LRRTM2: variants seen among roughly 807,000 people sequenced by gnomAD.
The protein encoded by LRRTM2 is leucine-rich repeat transmembrane neuronal protein 2.
In LRRTM2, 14 loss-of-function variants were observed where a neutral mutation model predicts 40.7. The observed-to-expected ratio is 0.34, with a 90% CI of 0.23 to 0.54. The LOEUF (loss-of-function observed/expected upper bound fraction) is 0.54, where lower values mean the gene tolerates loss of function less well. LRRTM2 is among the 20% of genes least tolerant of loss of function. The pLI is 0.92. For synonymous variants in LRRTM2, 223 were observed against 237.6 expected (o/e 0.94, Z 0.57); for missense variants, 468 against 624.4 (o/e 0.75, Z 2.67).
chr5:138,873,078 A>G lies in LRRTM2; in HGVS notation c.1483T>C (p.Phe495Leu). ...TGTCCATAACCATTAATGATGATGA[A>G]GGGTCCTTCATGGGTGGGTTCATAT... ...NEYEPTHEGPFIIINGYGQCK... is the reference protein window; with the variant it reads ...NEYEPTHEGPLIIINGYGQCK... Residue 495 changes from phenylalanine to leucine, a missense_variant, in exon 2 of 2, where the codon TTC becomes CTC. Physicochemically the swap from Phe to Leu is conservative, Grantham distance 22. Transcript: ENST00000274711. This position sits in a 1 kb window ranked among gnomAD's most constrained non-coding sequence, Gnocchi z 6.1. 1 of 1,613,914 alleles carries G rather than the reference A, an allele frequency of 6.2e-7. No homozygotes were observed. The highest frequency in any genetic ancestry group is 8.5e-7 in the Non-Finnish European group (1 of 1,179,840).
Position 138,874,123 on chromosome 5 carries a change from T to A in LRRTM2, c.438A>T (p.Ser146=). The A allele has an allele frequency of 1.2e-6, 2 of 1,613,766 alleles. No individual in the cohort carries two copies. The highest frequency in any genetic ancestry group is 1.7e-6 in the Non-Finnish European group (2 of 1,179,738). The stretch of plus-strand genomic sequence containing the variant: ...CATAGAAGAGCTCTGGGTGCAGAGA[T>A]GACAGCTGATTAAAAGACAGGTCCA... ...QNLDLSFNQL[S]SLHPELFYGL... Residue 146 remains serine (S), a synonymous_variant, in exon 2 of 2, where the codon TCA becomes TCT. Coordinates refer to ENST00000274711, the MANE Select transcript of LRRTM2 (RefSeq NM_015564.3). The surrounding 1 kb of genome is among the most constrained non-coding windows in gnomAD (Gnocchi z 4.1).
rs1265699671 is a variant in LRRTM2, at chr5:138,871,034, G to C, written c.*1976C>G. On this transcript the variant is annotated 3_prime_UTR_variant, in exon 2 of 2. Transcript: ENST00000274711. ...CATTTTTACTGTAATTTGTGATCTT[G>C]TCTGCTTTTTACCGAGAGATGTTAG... The C allele has an allele frequency of 6.6e-6, 1 of 152,126 alleles. No individual in the cohort carries two copies. The allele number at this position is 152,126 out of a possible 1,614,324, so 9.4% of individuals were successfully genotyped here. A position where few individuals can be genotyped will look rare whatever the true frequency, so the allele number is the denominator to read the frequency against.
In LRRTM2 at chr5:138,873,983, A is replaced by G. The variant is rs1581384351; in HGVS notation, c.578T>C (p.Leu193Ser). Reference protein sequence around the residue: ...LEFLDLSTNRLRSLARNGFAG... With the variant: ...LEFLDLSTNRSRSLARNGFAG... ...AAATCCATTGCGAGCCAAACTTCGC[A>G]AACGATTTGTGCTCAAATCCAGAAA... is the stretch of plus-strand genomic sequence containing the variant. The change falls in exon 2 of 2, where the codon TTG (leucine) becomes TCG (serine). Residue 193 changes from leucine (L) to serine (S), a missense_variant. By Grantham distance (145) the Leu-to-Ser change is moderately radical (BLOSUM62 -2). Transcript: ENST00000274711. This position sits in a 1 kb window ranked among gnomAD's most constrained non-coding sequence, Gnocchi z 6.1. 2 of 1,614,018 alleles carry G rather than the reference A, an allele frequency of 1.2e-6. No homozygotes were observed. The highest frequency in any genetic ancestry group is 1.3e-5 in the African/African-American group (1 of 75,052).
rs140321983 is a variant in LRRTM2 at position 138,875,211 on chromosome 5, C to T, written c.-300G>A. The T allele has an allele frequency of 1.2e-3, 366 of 317,610 alleles. No homozygotes were observed. Among genetic ancestry groups the T allele is most frequent in the African/African-American group, 7.1e-3 (331 of 46,326 alleles). 19.7% of individuals were successfully genotyped at this position (317,610 alleles called of 1,614,324 possible). ...TTAATCAAAGCTTCAGTCTCCTTTC[C>T]GCAGCCGTTAGTTCTCTTGGTCTTA... is the stretch of plus-strand genomic sequence containing the variant. On this transcript the variant is annotated 5_prime_UTR_variant, in exon 1 of 2. Coordinates refer to ENST00000274711, the MANE Select transcript of LRRTM2 (RefSeq NM_015564.3).
Position 138,874,879 on chromosome 5 carries a change from G to A in LRRTM2, c.4+29C>T, listed in dbSNP as rs748700154. The A allele has an allele frequency of 6.2e-7, 1 of 1,601,120 alleles. No homozygotes were observed. Among genetic ancestry groups the A allele is most frequent in the Non-Finnish European group, 8.5e-7 (1 of 1,170,990 alleles). On this transcript the variant is annotated intron_variant, in intron 1 of 1. Coordinates refer to ENST00000274711, the MANE Select transcript of LRRTM2 (RefSeq NM_015564.3). The surrounding 1 kb of genome is among the most constrained non-coding windows in gnomAD (Gnocchi z 4.1). Reference sequence around the variant, plus strand: ...TTAAAAGCGTGATTCCTTGTTGAATGTACAAGACATATAAATGCACAGACT... The same window carrying A: ...TTAAAAGCGTGATTCCTTGTTGAATATACAAGACATATAAATGCACAGACT...
chr5:138,871,211 G>A lies in LRRTM2; in HGVS notation c.*1799C>T, dbSNP rs1436503736. The stretch of plus-strand genomic sequence containing the variant: ...TGAAGGATATCATGTTGATGTTGAT[G>A]TTGGGGAAAAGATAACTTGAAAAAT... On this transcript the variant is annotated 3_prime_UTR_variant, in exon 2 of 2. Transcript: ENST00000274711. 1 of 152,208 alleles carries A rather than the reference G, an allele frequency of 6.6e-6. No individual in the cohort carries two copies. Among genetic ancestry groups the A allele is most frequent in the Non-Finnish European group, 1.5e-5 (1 of 68,040 alleles). The allele number at this position is 152,208 out of a possible 1,614,324, so 9.4% of individuals were successfully genotyped here.
rs1210878397 is a variant in LRRTM2, at chr5:138,873,054, G to A, written c.1507C>T (p.Gln503Ter). The change falls in exon 2 of 2, where the codon CAG (glutamine) becomes TAG (stop). Residue 503 changes from glutamine (Q) to a stop codon, truncating the protein, a stop_gained. Transcript: ENST00000274711. LOFTEE classifies it high-confidence loss of function. This position sits in a 1 kb window ranked among gnomAD's most constrained non-coding sequence, Gnocchi z 6.1. ...GPFIIINGYG[Q>*]CKCQQLPYKE... ...TATGGCAGCTGCTGACACTTGCACTGTCCATAACCATTAATGATGATGAAG... is the reference window on the plus strand; with the variant it reads ...TATGGCAGCTGCTGACACTTGCACTATCCATAACCATTAATGATGATGAAG... The A allele has an allele frequency of 6.2e-7, 1 of 1,613,612 alleles. No individual in the cohort carries two copies. Among genetic ancestry groups the A allele is most frequent in the East Asian group, 2.2e-5 (1 of 44,888 alleles).
At position 138,873,021 on chromosome 5, in the gene LRRTM2, AT is replaced by A. The variant is rs768252934; in HGVS notation, c.1539del (p.Glu513AspfsTer17). The A allele has an allele frequency of 6.2e-7, 1 of 1,604,760 alleles. No individual in the cohort carries two copies. The highest frequency in any genetic ancestry group is 8.5e-7 in the Non-Finnish European group (1 of 1,174,942). On this transcript the variant is annotated frameshift_variant, in exon 2 of 2. Coordinates refer to ENST00000274711, the MANE Select transcript of LRRTM2 (RefSeq NM_015564.3). LOFTEE classifies it high-confidence loss of function. The surrounding 1 kb of genome is among the most constrained non-coding windows in gnomAD (Gnocchi z 6.1). ...QCKCQQLPYK[E>X]CEV is the part of the protein sequence containing the mutation. ...ATGATGGGTAGATATTATACTTCAC[AT>A]TCTTTGTATGGCAGCTGCTGACACT...
rs1257491206 is a variant in LRRTM2 at position 138,869,350 on chromosome 5, T to G, written c.*3660A>C. 6.6e-6 allele frequency: 1 copy of G among 151,546 alleles called. No homozygotes were observed. The highest frequency in any genetic ancestry group is 1.5e-5 in the Non-Finnish European group (1 of 67,914). The allele number at this position is 151,546 out of a possible 1,614,324, so 9.4% of individuals were successfully genotyped here. On this transcript the variant is annotated 3_prime_UTR_variant, in exon 2 of 2. Transcript: ENST00000274711. ...AGATAGAGAAATATTTAATTATCTA[T>G]AGATGGCCTTACTGTCTCTCTCTCT... is the stretch of plus-strand genomic sequence containing the variant.
rs1392529488 is a variant in LRRTM2 at position 138,871,534 on chromosome 5, T to C, written c.*1476A>G. The C allele has an allele frequency of 6.6e-6, 1 of 152,262 alleles. No individual in the cohort carries two copies. Among genetic ancestry groups the C allele is most frequent in the African/African-American group, 2.4e-5 (1 of 41,470 alleles). 9.4% of individuals were successfully genotyped at this position (152,262 alleles called of 1,614,324 possible). A position where few individuals can be genotyped will look rare whatever the true frequency, so the allele number is the denominator to read the frequency against. On this transcript the variant is annotated 3_prime_UTR_variant, in exon 2 of 2. Coordinates refer to ENST00000274711, the MANE Select transcript of LRRTM2 (RefSeq NM_015564.3). The stretch of plus-strand genomic sequence containing the variant: ...AACTATGGCATGTTTATATTTACAT[T>C]GGAGGATCTACCCCTCTTCCCTTTT...
In LRRTM2 at chr5:138,871,303, G is replaced by A. The variant is rs936555256; in HGVS notation, c.*1707C>T. 2.0e-5 allele frequency: 3 copies of A among 152,126 alleles called. No homozygotes were observed. Among genetic ancestry groups the A allele is most frequent in the Non-Finnish European group, 4.4e-5 (3 of 68,010 alleles). The allele number at this position is 152,126 out of a possible 1,614,324, so 9.4% of individuals were successfully genotyped here. A position where few individuals can be genotyped will look rare whatever the true frequency, so the allele number is the denominator to read the frequency against. ...ACAGTAAATGGCAGTTGTAAAAAATGCTCATTTTCTAAAATCAAGTTAGTG... is the reference window on the plus strand; with the variant it reads ...ACAGTAAATGGCAGTTGTAAAAAATACTCATTTTCTAAAATCAAGTTAGTG... On this transcript the variant is annotated 3_prime_UTR_variant, in exon 2 of 2. Transcript: ENST00000274711.
Position 138,871,857 on chromosome 5 carries a change from T to C in LRRTM2, c.*1153A>G, listed in dbSNP as rs553872784. On this transcript the variant is annotated 3_prime_UTR_variant, in exon 2 of 2. Transcript: ENST00000274711. ...TATATAATAGTTGGAAAGTGTTTTT[T>C]TTCATGGTTCCTTTGTAATACAATA... The C allele has an allele frequency of 4.6e-5, 7 of 152,246 alleles. No individual in the cohort carries two copies. The highest frequency in any genetic ancestry group is 1.0e-4 in the Non-Finnish European group (7 of 68,034). The allele number at this position is 152,246 out of a possible 1,614,324, so 9.4% of individuals were successfully genotyped here.
Position 138,873,384 on chromosome 5 carries a change from C to T in LRRTM2, c.1177G>A (p.Gly393Arg), listed in dbSNP as rs1750883157. 1 of 1,613,906 alleles carries T rather than the reference C, an allele frequency of 6.2e-7. No individual in the cohort carries two copies. The highest frequency in any genetic ancestry group is 1.7e-5 in the Admixed American group (1 of 60,000). Residue 393 changes from glycine to arginine, a missense_variant, in exon 2 of 2, where the codon GGA becomes AGA. Coordinates refer to ENST00000274711, the MANE Select transcript of LRRTM2 (RefSeq NM_015564.3). The surrounding 1 kb of genome is among the most constrained non-coding windows in gnomAD (Gnocchi z 6.1). ...GCAGTAGTTGGGATTTCTTTGTCTC[C>T]CACATGGTAACTTGATGAGCTTATT... ...KRISSSSYHV[G>R]DKEIPTTAGI...
chr5:138,873,029 T>C lies in LRRTM2; in HGVS notation c.1532A>G (p.Tyr511Cys). 6.2e-7 allele frequency: 1 copy of C among 1,607,264 alleles called. No homozygotes were observed. The highest frequency in any genetic ancestry group is 1.1e-5 in the South Asian group (1 of 89,834). Residue 511 changes from tyrosine to cysteine, a missense_variant, in exon 2 of 2, where the codon TAC becomes TGC. Physicochemically the swap from Tyr to Cys is radical, Grantham distance 194. Coordinates refer to ENST00000274711, the MANE Select transcript of LRRTM2 (RefSeq NM_015564.3). This position sits in a 1 kb window ranked among gnomAD's most constrained non-coding sequence, Gnocchi z 6.1. ...YGQCKCQQLP[Y>C]KECEV ...TAGATATTATACTTCACATTCTTTGTATGGCAGCTGCTGACACTTGCACTG... is the reference window on the plus strand; with the variant it reads ...TAGATATTATACTTCACATTCTTTGCATGGCAGCTGCTGACACTTGCACTG...
Position 138,872,815 on chromosome 5 carries a change from C to T in LRRTM2, c.*195G>A. On this transcript the variant is annotated 3_prime_UTR_variant, in exon 2 of 2. Coordinates refer to ENST00000274711, the MANE Select transcript of LRRTM2 (RefSeq NM_015564.3). ...CAACAGGAGTGCAAATTAATGTGAG[C>T]ATTGATTCATTTAACACTTAAAATA... 2.1e-6 allele frequency: 1 copy of T among 471,332 alleles called. No individual in the cohort carries two copies. Among genetic ancestry groups the T allele is most frequent in the African/African-American group, 2.0e-5 (1 of 50,494 alleles). 29.2% of individuals were successfully genotyped at this position (471,332 alleles called of 1,614,324 possible).
In LRRTM2 at chr5:138,870,736, G is replaced by C. The variant is rs1252755222; in HGVS notation, c.*2274C>G. The C allele has an allele frequency of 6.6e-6, 1 of 152,224 alleles. No homozygotes were observed. Among genetic ancestry groups the C allele is most frequent in the East Asian group, 1.9e-4 (1 of 5,202 alleles). The allele number at this position is 152,224 out of a possible 1,614,324, so 9.4% of individuals were successfully genotyped here. On this transcript the variant is annotated 3_prime_UTR_variant, in exon 2 of 2. Transcript: ENST00000274711. ...GACACAGTTGTGTTGTGACCAAGCT[G>C]TCTGTCACCTGACAAATGGCAATGG...
chr5:138,875,086 C>T lies in LRRTM2; in HGVS notation c.-175G>A. ...GAGTTGTTTTTTCCTTAGGATATCC[C>T]TCTGGAAAGCATTGGTTTCATTTTC... On this transcript the variant is annotated 5_prime_UTR_variant, in exon 1 of 2. Transcript: ENST00000274711. 1.7e-6 allele frequency: 1 copy of T among 577,590 alleles called. No homozygotes were observed. Among genetic ancestry groups the T allele is most frequent in the Non-Finnish European group, 3.0e-6 (1 of 334,316 alleles). 35.8% of individuals were successfully genotyped at this position (577,590 alleles called of 1,614,324 possible).
rs1474447704 is a variant in LRRTM2 at position 138,875,318 on chromosome 5, G to C, written c.-407C>G. On this transcript the variant is annotated 5_prime_UTR_variant, in exon 1 of 2. Coordinates refer to ENST00000274711, the MANE Select transcript of LRRTM2 (RefSeq NM_015564.3). ...AGTGCATTTACTGAAAAGCTTTTCC[G>C]AGAAACGGCACAAGAATGGATTTGC... 1 of 908,802 alleles carries C rather than the reference G, an allele frequency of 1.1e-6. No individual in the cohort carries two copies. The highest frequency in any genetic ancestry group is 1.8e-5 in the African/African-American group (1 of 55,578). The allele number at this position is 908,802 out of a possible 1,614,324, so 56.3% of individuals were successfully genotyped here.
chr5:138,874,104 A>G lies in LRRTM2; in HGVS notation c.457T>C (p.Phe153Leu). ...NQLSSLHPEL[F>L]YGLRKLQTLH... is the part of the protein sequence containing the mutation. ...GTCTGCAGCTTCCGAAGGCCATAGAAGAGCTCTGGGTGCAGAGATGACAGC... is the reference window on the plus strand; with the variant it reads ...GTCTGCAGCTTCCGAAGGCCATAGAGGAGCTCTGGGTGCAGAGATGACAGC... Residue 153 changes from phenylalanine to leucine, a missense_variant, in exon 2 of 2, where the codon TTC (phenylalanine) becomes CTC (leucine). By Grantham distance (22) the Phe-to-Leu change is conservative. Coordinates refer to ENST00000274711, the MANE Select transcript of LRRTM2 (RefSeq NM_015564.3). The surrounding 1 kb of genome is among the most constrained non-coding windows in gnomAD (Gnocchi z 4.1). 6.2e-7 allele frequency: 1 copy of G among 1,613,834 alleles called. No individual in the cohort carries two copies. The highest frequency in any genetic ancestry group is 8.5e-7 in the Non-Finnish European group (1 of 1,179,768).
Sources: gnomAD v4.1 joint callset for allele counts on GRCh38, gnomAD v4.1.1 for gene constraint, Gnocchi (gnomAD v3.1) non-coding constraint, MANE v1.5 for transcripts, NCBI Gene and HGNC (gene_info 2026-07-23, HGNC 2026-07-21) for gene names.